Variants in UBAC1 observed in about 807,000 individuals in gnomAD.
The protein encoded by UBAC1 is UBA domain containing 1.
UBAC1 carries 27 observed loss-of-function variants against 45.9 expected under a neutral mutation model. The ratio of observed to expected loss-of-function variants is 0.59; its 90% CI spans 0.43 to 0.81. The LOEUF is 0.81. Ranked by LOEUF, UBAC1 falls within the 30% of genes least tolerant of loss-of-function variation. The pLI is 0.00. For missense variants in UBAC1, 529 were observed against 539.2 expected, an observed-to-expected ratio of 0.98 and a Z score of 0.19; for synonymous variants, 227 against 215.5, an observed-to-expected ratio of 1.05 and a Z score of -0.47.
At chr9:135,944,812 G>A (rs1214347783) in intron 7 of UBAC1, among the ~76,000 whole-genome samples, 1 of 152,246 alleles carries the variant, frequency 6.6e-6, no homozygotes, top group Non-Finnish European at 1.5e-5. Context: ...ACTTACAGGT[G>A]TGCTCAGAAA....
Position 135,947,793 on chromosome 9 carries a change from C to T in UBAC1, c.441+5G>A, listed in dbSNP as rs1356522300. ...CACCCGCCGCCGCTCTGGGCTGACA[C>T]TCACGTCTCTCATGTTGGTCTGGAC... On this transcript the variant is annotated splice_donor_5th_base_variant and intron_variant, in intron 4 of 9. Transcript: ENST00000371756. The T allele has an allele frequency of 6.2e-7, 1 of 1,612,236 alleles. No individual in the cohort carries two copies. Among genetic ancestry groups the T allele is most frequent in the Non-Finnish European group, 8.5e-7 (1 of 1,179,190 alleles).
chr9:135,938,210 A>C lies in UBAC1; in HGVS notation c.1102+12T>G. On this transcript the variant is annotated intron_variant, in intron 9 of 9. Coordinates refer to ENST00000371756, the MANE Select transcript of UBAC1 (RefSeq NM_016172.3). ...CCCGACCCGAGACTTAGCATAAAGA[A>C]GGCGCACATACCTAGCAATGTTTTC... 1 of 1,612,772 alleles carries C rather than the reference A, an allele frequency of 6.2e-7. No individual in the cohort carries two copies. The highest frequency in any genetic ancestry group is 2.2e-5 in the East Asian group (1 of 44,854).
At chr9:135,960,972 G>A in intron 1 of UBAC1, 53 bp downstream of exon 1, 1 of 1,426,470 alleles carries the variant, frequency 7.0e-7, no homozygotes, top group Non-Finnish European at 9.2e-7. Flanking sequence ...GGGGTCCGCA[G>A]TCGGAGGGGT....
rs935574278 is a variant in UBAC1, at chr9:135,933,117, C to T, written c.*283G>A. 15 of 364,698 alleles carry T rather than the reference C, an allele frequency of 4.1e-5. No individual in the cohort carries two copies. The highest frequency in any genetic ancestry group is 1.5e-5 in the Non-Finnish European group (3 of 200,182). 22.6% of individuals were successfully genotyped at this position (364,698 alleles called of 1,614,324 possible). On this transcript the variant is annotated 3_prime_UTR_variant, in exon 10 of 10. Coordinates refer to ENST00000371756, the MANE Select transcript of UBAC1 (RefSeq NM_016172.3). ...GTCTACACGGCAATTCAAGCAGCAA[C>T]TCAAGAGCCCAGAGGAGCACTGGAG...
At chr9:135,953,659 A>T (rs754447322) in intron 3 of UBAC1, 21 bp downstream of exon 3, 1 of 1,610,748 alleles carries the variant, frequency 6.2e-7, no homozygotes, top group Non-Finnish European at 8.5e-7. Flanking sequence ...AAGGTCCCCA[A>T]TTGCAAACTT....
chr9:135,938,394 CG>C, intron 8 of UBAC1, 34 bp from the exon 9 acceptor site: 2 of 1,604,358 alleles, frequency 1.2e-6, no homozygotes, highest in Non-Finnish European at 1.7e-6. Context: ...CCACTGTTAG[CG>C]CCTTCAGTGC....
intron 6 of UBAC1, chr9:135,945,527 G>C (rs1020023687): frequency 2.0e-6 from 1 of 509,174 alleles, no homozygotes; most frequent in African/African-American, 1.9e-5. Context: ...GGACCACAGG[G>C]GGAACTGCCC....
intron 6 of UBAC1, 38 bp downstream of exon 6, chr9:135,945,851 G>A (rs200830896): frequency 6.4e-7 from 1 of 1,572,956 alleles, no homozygotes; most frequent in South Asian, 1.1e-5. Context: ...CAGGCCCCAG[G>A]TGTCTCCGGC....
At chr9:135,955,507 A>C in intron 1 of UBAC1, 92 bp from the exon 2 acceptor site, 6 of 1,332,630 alleles carry the variant, frequency 4.5e-6, no homozygotes, top group Non-Finnish European at 6.0e-6. Context: ...CCAGGAATTT[A>C]CTGGGTTTTC....
intron 9 of UBAC1, among the ~76,000 whole-genome samples, chr9:135,936,499 CTTTT>C (rs202151720): frequency 1.4e-5 from 2 of 141,776 alleles, no homozygotes. Flanking sequence ...TTTCCTTTTT[CTTTT>C]TTTTTTTTTT....
At chr9:135,950,222 G>A (rs998122567) in intron 3 of UBAC1, among the ~76,000 whole-genome samples, 1 of 152,242 alleles carries the variant, frequency 6.6e-6, no homozygotes, top group Non-Finnish European at 1.5e-5. Flanking sequence ...AGAACTGCGA[G>A]CTACAAGCGG....
chr9:135,953,392 C>G (rs1332378797), intron 3 of UBAC1, among the ~76,000 whole-genome samples: 1 of 152,172 alleles, frequency 6.6e-6, no homozygotes, highest in Non-Finnish European at 1.5e-5. Context: ...TCTCGGCTCA[C>G]TGCAACCTCT....
chr9:135,956,041 G>A (rs1839462052), intron 1 of UBAC1, among the ~76,000 whole-genome samples: 1 of 152,224 alleles, frequency 6.6e-6, no homozygotes, highest in South Asian at 2.1e-4. Flanking sequence ...GCGGCTTGAA[G>A]GTGGACCAAT....
chr9:135,935,210 T>A (rs1208151570), intron 9 of UBAC1, among the ~76,000 whole-genome samples: 1 of 152,208 alleles, frequency 6.6e-6, no homozygotes, highest in Non-Finnish European at 1.5e-5. Context: ...GGAAGGACTG[T>A]CTTCTGTATA....
At chr9:135,945,537 C>T (rs1376331228) in intron 6 of UBAC1, 1 of 504,400 alleles carries the variant, frequency 2.0e-6, no homozygotes, top group African/African-American at 1.9e-5. Flanking sequence ...GGGAACTGCC[C>T]CCGGCTGCCC....
At chr9:135,937,011 G>A (rs1486182164) in intron 9 of UBAC1, among the ~76,000 whole-genome samples, 2 of 152,184 alleles carry the variant, frequency 1.3e-5, no homozygotes, top group Non-Finnish European at 2.9e-5. Context: ...GCCAAACGCT[G>A]AGCGGAAGGT....
At chr9:135,945,407 G>A (rs981314608) in intron 6 of UBAC1, 157 bp from the exon 7 acceptor site, 22 of 640,568 alleles carry the variant, frequency 3.4e-5, no homozygotes, top group African/African-American at 5.6e-5. Flanking sequence ...CAGGTGCGAC[G>A]GAAGCGCTGG....
rs80024626 is a variant in UBAC1 at position 135,945,406 on chromosome 9, C to T, written c.654-156G>A. On this transcript the variant is annotated intron_variant, in intron 6 of 9. Coordinates refer to ENST00000371756, the MANE Select transcript of UBAC1 (RefSeq NM_016172.3). ...AGAACCTGAATGAACACAGGTGCGA[C>T]GGAAGCGCTGGTCCTTGCCTCAGAC... is the stretch of plus-strand genomic sequence containing the variant. 3.1e-3 allele frequency: 2,021 copies of T among 642,196 alleles called. 29 individuals are homozygous for T. Among genetic ancestry groups the T allele is most frequent in the East Asian group, 5.2e-3 (176 of 33,746 alleles). 39.8% of individuals were successfully genotyped at this position (642,196 alleles called of 1,614,324 possible). A position where few individuals can be genotyped will look rare whatever the true frequency, so the allele number is the denominator to read the frequency against.
intron 9 of UBAC1, 62 bp from the exon 10 acceptor site, chr9:135,933,577 G>A (rs1839171295): frequency 2.4e-6 from 3 of 1,239,686 alleles, no homozygotes; most frequent in Non-Finnish European, 3.6e-6. Flanking sequence ...AGGCACAGGC[G>A]TGACTTTCCT....
Sources: allele counts gnomAD v4.1 joint callset (sites outside exome capture counted in the v4.1 genomes callset), GRCh38; gene constraint gnomAD v4.1.1; transcripts MANE v1.5; gene names NCBI Gene and HGNC (gene_info 2026-07-23, HGNC 2026-07-21).